ZNF69: variants seen among roughly 807,000 people sequenced by gnomAD.
The protein encoded by ZNF69 is zinc finger protein 69, also known as ZNF3.
In ZNF69, 47 loss-of-function variants were observed where a neutral mutation model predicts 50.9. That is an observed-to-expected ratio of 0.92 (90% CI 0.73 to 1.18). The LOEUF (loss-of-function observed/expected upper bound fraction) is 1.18, where lower values mean the gene tolerates loss of function less well. ZNF69 is among the 50% of genes most tolerant of loss of function. The pLI is 0.00. For missense variants in ZNF69, 717 were observed against 675.1 expected, an observed-to-expected ratio of 1.06 and a Z score of -0.69; for synonymous variants, 216 against 223.1, an observed-to-expected ratio of 0.97 and a Z score of 0.29.
chr19:11,917,789 CTTTTTT>C (rs74965943), downstream of ZNF69, among the ~76,000 whole-genome samples: 75 of 110,686 alleles, frequency 6.8e-4, 2 homozygotes, highest in African/African-American at 2.9e-3. Context: ...CCACACCCTG[CTTTTTT>C]TTTTTTTTTT....
rs551901924 is a variant in ZNF69, at chr19:11,913,771, A to G, written c.*361A>G. 7 of 168,044 alleles carry G rather than the reference A, an allele frequency of 4.2e-5. No individual in the cohort carries two copies. The South Asian group carries it at 7.9e-4, about 19-fold the overall frequency. The allele number at this position is 168,044 out of a possible 1,614,324, so 10.4% of individuals were successfully genotyped here. A position where few individuals can be genotyped will look rare whatever the true frequency, so the allele number is the denominator to read the frequency against. On this transcript the variant is annotated 3_prime_UTR_variant, in exon 5 of 5. Coordinates refer to the ZNF69 transcript ENST00000340180. ...TGCCTTCTTCCCAAAAGCCAGCAGT[A>G]CCATACCTGCTGTCAGCAAGTGTGT...
At chr19:11,925,254 C>A in the ZNF69 span, 4 of 1,612,894 alleles carry the variant, frequency 2.5e-6, no homozygotes, top group African/African-American at 5.3e-5. Context: ...GACCCCGGTA[C>A]ATCTGAAAGC....
chr19:11,931,668 A>T, the ZNF69 span, among the ~76,000 whole-genome samples: 1 of 148,390 alleles, frequency 6.7e-6, no homozygotes, highest in African/African-American at 2.6e-5. Flanking sequence ...TATTTCAGAG[A>T]GGTTACATCA....
At chr19:11,973,213 A>G in the ZNF69 span, among the ~76,000 whole-genome samples, 1 of 151,798 alleles carries the variant, frequency 6.6e-6, no homozygotes, top group Non-Finnish European at 1.5e-5. Flanking sequence ...TGCCACCCCT[A>G]TTTATCCCTG....
chr19:11,978,867 AG>A, the ZNF69 span: 5 of 1,614,216 alleles, frequency 3.1e-6, no homozygotes, highest in Non-Finnish European at 4.2e-6. Flanking sequence ...CTGTGAATGT[AG>A]CAAATGTAAT....
At chr19:11,930,003 C>T in the ZNF69 span, among the ~76,000 whole-genome samples, 1 of 148,068 alleles carries the variant, frequency 6.8e-6, no homozygotes, top group Non-Finnish European at 1.5e-5. Flanking sequence ...AGTTTTAGAA[C>T]TGCCTGTAGC....
the ZNF69 span, among the ~76,000 whole-genome samples, chr19:11,940,814 A>G: frequency 6.6e-6 from 1 of 152,148 alleles, no homozygotes; most frequent in Admixed American, 6.5e-5. Context: ...TGAGCTAGAC[A>G]CAAAGGTTCT....
the ZNF69 span, among the ~76,000 whole-genome samples, chr19:11,940,491 C>A: frequency 6.6e-6 from 1 of 150,672 alleles, no homozygotes; most frequent in South Asian, 2.1e-4. Flanking sequence ...CTTAAGGCAG[C>A]GCGTCTGGAG....
the ZNF69 span, among the ~76,000 whole-genome samples, chr19:11,943,507 AT>A: frequency 2.0e-5 from 3 of 151,812 alleles, no homozygotes; most frequent in South Asian, 2.1e-4. Flanking sequence ...TGTTTTAGCT[AT>A]TTTTTTTACT....
downstream of ZNF69, among the ~76,000 whole-genome samples, chr19:11,918,037 C>T (rs1248476886): frequency 2.0e-5 from 3 of 152,126 alleles, no homozygotes; most frequent in Admixed American, 6.6e-5. Flanking sequence ...CCACCCGCCT[C>T]GGCCTCCCAA....
the ZNF69 span, among the ~76,000 whole-genome samples, chr19:11,963,232 GGT>G: frequency 6.6e-6 from 1 of 151,982 alleles, no homozygotes; most frequent in African/African-American, 2.4e-5. Context: ...TGAGACTATA[GGT>G]ACACACCACC....
At chr19:11,931,730 C>T in the ZNF69 span, among the ~76,000 whole-genome samples, 1 of 148,524 alleles carries the variant, frequency 6.7e-6, no homozygotes, top group East Asian at 1.9e-4. Flanking sequence ...CCATTTATTG[C>T]ATTTTATACT....
chr19:11,949,693 A>C, the ZNF69 span: 1 of 1,613,916 alleles, frequency 6.2e-7, no homozygotes, highest in Admixed American at 1.7e-5. Flanking sequence ...TCATGAAAGG[A>C]CTCACACTGG....
the ZNF69 span, among the ~76,000 whole-genome samples, chr19:11,962,561 A>G: frequency 5.9e-5 from 9 of 151,932 alleles, no homozygotes; most frequent in Non-Finnish European, 1.2e-4. Context: ...GAGTCTCACT[A>G]TATTGCCCAG....
the ZNF69 span, among the ~76,000 whole-genome samples, chr19:11,969,166 G>C: frequency 6.6e-6 from 1 of 152,182 alleles, no homozygotes; most frequent in East Asian, 1.9e-4. Flanking sequence ...GTGCAGCGGC[G>C]TGATCTCAGC....
At chr19:11,959,452 C>A in the ZNF69 span, among the ~76,000 whole-genome samples, 1 of 152,142 alleles carries the variant, frequency 6.6e-6, no homozygotes, top group Non-Finnish European at 1.5e-5. Context: ...TTTTGTTATT[C>A]TTTGTATCTT....
chr19:11,907,398 G>GA (rs1397971904), downstream of ZNF69, among the ~76,000 whole-genome samples: 6 of 152,114 alleles, frequency 3.9e-5, no homozygotes, highest in African/African-American at 1.4e-4. Flanking sequence ...TGAAATGAAG[G>GA]AAAAAATGTT....
intron 1 of ZNF69, among the ~76,000 whole-genome samples, chr19:11,889,933 G>T (rs750526629): frequency 2.2e-4 from 33 of 152,198 alleles, no homozygotes; most frequent in Non-Finnish European, 1.3e-4. Context: ...ACTGTGCCTG[G>T]ATGTGCAGGT....
the ZNF69 span, among the ~76,000 whole-genome samples, chr19:11,941,717 C>A: frequency 6.6e-6 from 1 of 152,250 alleles, no homozygotes. Flanking sequence ...CGGCTCCCGC[C>A]TTGGTCAGCC....
Sources: gnomAD v4.1 joint callset for allele counts (sites outside exome capture counted in the v4.1 genomes callset) on GRCh38, gnomAD v4.1.1 for gene constraint, MANE v1.5 for transcripts, NCBI Gene and HGNC (gene_info 2026-07-23, HGNC 2026-07-21) for gene names.